The following TOM1L1 variants were observed in gnomAD, a reference collection of about 807,000 sequenced individuals.
TOM1L1 encodes the protein TOM1-like protein 1.
TOM1L1 carries 64 observed loss-of-function variants against 63.4 expected under a neutral mutation model. The ratio of observed to expected loss-of-function variants is 1.01; its 90% confidence interval spans 0.83 to 1.24. The LOEUF (loss-of-function observed/expected upper bound fraction) is 1.24, where lower values mean the gene tolerates loss of function less well. Ranked by LOEUF, TOM1L1 falls within the 50% of genes most tolerant of loss-of-function variation. The pLI is 0.00. For missense variants in TOM1L1, 536 were observed against 567.0 expected, an observed-to-expected ratio of 0.95 and a Z score of 0.55; for synonymous variants, 166 against 194.4, an observed-to-expected ratio of 0.85 and a Z score of 1.22.
In TOM1L1 at chr17:54,908,530, G is replaced by A. The variant is rs557758187; in HGVS notation, c.222+2963G>A. 1.5e-3 allele frequency among the ~76,000 whole-genome samples: 225 copies of A among 152,266 alleles called. 8 individuals carry two copies. In the South Asian group the frequency reaches 0.045, roughly 31 times the overall value. On this transcript the variant is annotated intron_variant, in intron 3 of 15. Transcript: ENST00000575882. ...TATATGACATTTCCATTTTATTAATGTAAAGTGATGAGAGCCTGTCAAATT... is the reference window on the plus strand; with the variant it reads ...TATATGACATTTCCATTTTATTAATATAAAGTGATGAGAGCCTGTCAAATT...
At chr17:54,918,372 C>T (rs977261749) in intron 7 of TOM1L1, among the ~76,000 whole-genome samples, 3 of 152,226 alleles carry the variant, frequency 2.0e-5, no homozygotes, top group Non-Finnish European at 4.4e-5. Flanking sequence ...AGATATTCCT[C>T]TTAAGGAACT....
chr17:54,939,094 C>A, intron 11 of TOM1L1, 74 bp downstream of exon 11: 1 of 1,045,492 alleles, frequency 9.6e-7, no homozygotes, highest in Non-Finnish European at 1.4e-6. Context: ...AACCTGATGG[C>A]TGGGCGCAGT....
chr17:54,908,820 C>T (rs1329659562), intron 3 of TOM1L1, among the ~76,000 whole-genome samples: 1 of 152,148 alleles, frequency 6.6e-6, no homozygotes, highest in South Asian at 2.1e-4. Flanking sequence ...CGAACAGGTT[C>T]CTGAGAATCA....
intron 14 of TOM1L1, chr17:54,954,077 C>G (rs2049369609): frequency 6.6e-6 from 1 of 152,198 alleles, no homozygotes; most frequent in Admixed American, 6.5e-5. Flanking sequence ...CTTGTTATCA[C>G]TGGGGTCCCA....
intron 3 of TOM1L1, among the ~76,000 whole-genome samples, chr17:54,911,264 C>A (rs1026705182): frequency 1.3e-5 from 2 of 152,144 alleles, no homozygotes; most frequent in Non-Finnish European, 2.9e-5. Flanking sequence ...TTTTGTGCTT[C>A]ATTTTCTGTC....
At chr17:54,928,664 G>A (rs2048807725) in intron 7 of TOM1L1, among the ~76,000 whole-genome samples, 1 of 152,178 alleles carries the variant, frequency 6.6e-6, no homozygotes, top group Non-Finnish European at 1.5e-5. Flanking sequence ...AGCAGAAAAT[G>A]TTTACTATCT....
rs150098615 is a variant in TOM1L1 at position 54,911,173 on chromosome 17, A to G, written c.223-1493A>G. 2.4e-3 allele frequency among the ~76,000 whole-genome samples: 372 copies of G among 152,318 alleles called. 1 individual carries two copies. Among genetic ancestry groups the G allele is most frequent in the African/African-American group, 8.4e-3 (349 of 41,560 alleles). On this transcript the variant is annotated intron_variant, in intron 3 of 15. Coordinates refer to ENST00000575882, the MANE Select transcript of TOM1L1 (RefSeq NM_005486.3). Reference sequence around the variant, plus strand: ...CAAGGGAACTGATGTTCCTCAGACCATCTTCTTAACTGTATAACACCCCAT... The same window carrying G: ...CAAGGGAACTGATGTTCCTCAGACCGTCTTCTTAACTGTATAACACCCCAT...
chr17:54,902,003 T>G (rs897701526), intron 1 of TOM1L1, among the ~76,000 whole-genome samples: 2 of 152,134 alleles, frequency 1.3e-5, no homozygotes, highest in African/African-American at 4.8e-5. Context: ...ATTTTTTAAT[T>G]CTGTAAACAT....
intron 7 of TOM1L1, among the ~76,000 whole-genome samples, chr17:54,927,098 G>T (rs1342143084): frequency 6.6e-6 from 1 of 152,184 alleles, no homozygotes; most frequent in Non-Finnish European, 1.5e-5. Flanking sequence ...TTTGACTGAA[G>T]CCTGTATAAG....
intron 5 of TOM1L1, among the ~76,000 whole-genome samples, chr17:54,914,342 A>G (rs1440021385): frequency 1.3e-5 from 2 of 150,618 alleles, no homozygotes; most frequent in Non-Finnish European, 3.0e-5. Flanking sequence ...ATAATCTCAC[A>G]TGGCAGTTTA....
chr17:54,936,431 T>A (rs1442207693), intron 8 of TOM1L1: 2 of 416,598 alleles, frequency 4.8e-6, no homozygotes, highest in African/African-American at 4.2e-5. Context: ...GGGTGATGAG[T>A]TTTTTTTAAA....
chr17:54,931,394 T>C (rs1457165034), intron 8 of TOM1L1, among the ~76,000 whole-genome samples: 1 of 152,212 alleles, frequency 6.6e-6, no homozygotes, highest in East Asian at 1.9e-4. Context: ...ATCCATTAAA[T>C]AGTAATTTCT....
intron 11 of TOM1L1, among the ~76,000 whole-genome samples, chr17:54,946,524 G>A (rs910312378): frequency 1.3e-5 from 2 of 152,106 alleles, no homozygotes; most frequent in African/African-American, 2.4e-5. Flanking sequence ...CCATTGCCTC[G>A]GCTGTCGCTA....
intron 8 of TOM1L1, among the ~76,000 whole-genome samples, chr17:54,933,243 C>T (rs2048892699): frequency 6.6e-6 from 1 of 152,168 alleles, no homozygotes; most frequent in African/African-American, 2.4e-5. Flanking sequence ...TCAAAGCCAA[C>T]CATGTCTAGT....
At chr17:54,948,437 C>T (rs1427082969) in intron 12 of TOM1L1, among the ~76,000 whole-genome samples, 1 of 152,192 alleles carries the variant, frequency 6.6e-6, no homozygotes, top group East Asian at 1.9e-4. Flanking sequence ...TCTACCTTGG[C>T]TCACTCTATT....
chr17:54,913,497 C>G (rs1487385175), intron 4 of TOM1L1, among the ~76,000 whole-genome samples: 1 of 151,982 alleles, frequency 6.6e-6, no homozygotes, highest in African/African-American at 2.4e-5. Flanking sequence ...AACCCCGTCT[C>G]TACTAAAAAA....
rs546400209 is a variant in TOM1L1 at position 54,934,903 on chromosome 17, A to G, written c.855-1746A>G. Among the ~76,000 whole-genome samples the G allele has an allele frequency of 7.2e-5, 11 of 152,298 alleles. No homozygotes were observed. The South Asian group carries it at 2.3e-3, about 32-fold the overall frequency. On this transcript the variant is annotated intron_variant, in intron 8 of 15. Transcript: ENST00000575882. ...CAGCTAATTTTTGTATTTTTAGTCA[A>G]GATGGGGTTTCACCATGTTGCCCAG... is the stretch of plus-strand genomic sequence containing the variant.
intron 13 of TOM1L1, 64 bp from the exon 14 acceptor site, chr17:54,949,981 A>T: frequency 7.9e-7 from 1 of 1,264,736 alleles, no homozygotes; most frequent in East Asian, 2.3e-5. Context: ...TATAAAAAGA[A>T]TATCAATTGC....
intron 1 of TOM1L1, among the ~76,000 whole-genome samples, chr17:54,901,551 C>T (rs1179396942): frequency 6.6e-6 from 1 of 152,166 alleles, no homozygotes. Flanking sequence ...AATGATTTCT[C>T]TCTCCTCCGG....
Sources: gnomAD v4.1 joint callset for allele counts (sites outside exome capture counted in the v4.1 genomes callset) on GRCh38, gnomAD v4.1.1 for gene constraint, MANE v1.5 for transcripts, NCBI Gene and HGNC (gene_info 2026-07-23, HGNC 2026-07-21) for gene names.